RAP1A: variants seen among roughly 807,000 people sequenced by gnomAD.
The protein encoded by RAP1A is RAP1A, member of RAS oncogene family.
Under a neutral mutation model 26.4 loss-of-function variants are expected in RAP1A, and 6 were observed. The ratio of observed to expected loss-of-function variants is 0.23; its 90% confidence interval spans 0.12 to 0.45. The LOEUF (loss-of-function observed/expected upper bound fraction) is 0.45, where lower values mean the gene tolerates loss of function less well. RAP1A is among the 20% of genes least tolerant of loss of function. The pLI is 0.99. For synonymous variants in RAP1A, 73 were observed against 79.4 expected (o/e 0.92, Z 0.43); for missense variants, 121 against 217.2 (o/e 0.56, Z 2.78).
intron 1 of RAP1A, among the ~76,000 whole-genome samples, chr1:111,634,433 A>G (rs1201683996): frequency 1.3e-5 from 2 of 151,450 alleles, no homozygotes; most frequent in East Asian, 1.9e-4. Flanking sequence ...TTTAAAATAT[A>G]TATCTATTCA....
intron 1 of RAP1A, among the ~76,000 whole-genome samples, chr1:111,665,651 G>A (rs1660779027): frequency 6.6e-6 from 1 of 152,106 alleles, no homozygotes; most frequent in Admixed American, 6.5e-5. Context: ...ACATTTACTG[G>A]TGATGTGCTT....
chr1:111,630,375 C>T (rs1340263584), intron 1 of RAP1A, among the ~76,000 whole-genome samples: 1 of 152,110 alleles, frequency 6.6e-6, no homozygotes, highest in Non-Finnish European at 1.5e-5. Flanking sequence ...AGTCGTCCAA[C>T]ATGTATTTAT....
chr1:111,668,011 C>T lies in RAP1A; in HGVS notation c.-27-23323C>T, dbSNP rs1660852332. Among the ~76,000 whole-genome samples the T allele has an allele frequency of 2.0e-5, 3 of 152,224 alleles. No individual in the cohort carries two copies. In the South Asian group the frequency reaches 6.2e-4, roughly 31 times the overall value. ...GTCTGTGCACCCCTCCCCACCCCTA[C>T]TCCTGCCAACTCCGAGGAAACTGGA... On this transcript the variant is annotated intron_variant, in intron 1 of 7. Transcript: ENST00000369709.
At chr1:111,611,287 A>T (rs1436277692) in intron 1 of RAP1A, among the ~76,000 whole-genome samples, 1 of 152,220 alleles carries the variant, frequency 6.6e-6, no homozygotes, top group Non-Finnish European at 1.5e-5. Context: ...AATTGGGTTC[A>T]AGTATCAGGC....
chr1:111,645,002 A>G (rs1006557189), intron 1 of RAP1A, among the ~76,000 whole-genome samples: 3 of 152,188 alleles, frequency 2.0e-5, no homozygotes, highest in African/African-American at 7.2e-5. Flanking sequence ...AGAATATTAT[A>G]TCTCTCTCAG....
At chr1:111,585,238 G>T (rs911341419) in intron 1 of RAP1A, among the ~76,000 whole-genome samples, 1 of 152,104 alleles carries the variant, frequency 6.6e-6, no homozygotes, top group African/African-American at 2.4e-5. Context: ...TTTAGGTATT[G>T]AAAGAAAATC....
intron 1 of RAP1A, among the ~76,000 whole-genome samples, chr1:111,586,965 G>A (rs182242086): frequency 1.7e-3 from 259 of 152,160 alleles, no homozygotes; most frequent in African/African-American, 5.8e-3. Context: ...ATCAGACTGC[G>A]AAACTGAATG....
chr1:111,688,822 G>GTTTTTTTTTTTTTTTTTTTTGT (rs767753356), intron 1 of RAP1A, among the ~76,000 whole-genome samples: 5 of 90,048 alleles, frequency 5.6e-5, no homozygotes, highest in Admixed American at 1.2e-4. Flanking sequence ...TTTTTTTTTT[G>GTTTTTTTTTTTTTTTTTTTTGT]TTTTTTTTTT....
chr1:111,654,288 C>T (rs12733971), intron 1 of RAP1A, among the ~76,000 whole-genome samples: 6,084 of 152,230 alleles, frequency 0.04, 137 homozygotes, highest in South Asian at 0.078. Flanking sequence ...TTTGTTGTTA[C>T]TTCAAACAAA....
chr1:111,615,772 A>C (rs1205181642), upstream of RAP1A, among the ~76,000 whole-genome samples: 1 of 149,708 alleles, frequency 6.7e-6, no homozygotes, highest in Non-Finnish European at 1.5e-5. Context: ...TGGAGGTTGC[A>C]GTGAGCCAAG....
chr1:111,587,977 T>C (rs1049363446), intron 1 of RAP1A, among the ~76,000 whole-genome samples: 1 of 152,234 alleles, frequency 6.6e-6, no homozygotes, highest in Non-Finnish European at 1.5e-5. Context: ...TTATGAGTTC[T>C]CTTTGGTGGT....
chr1:111,559,560 G>A (rs780506878), intron 1 of RAP1A, among the ~76,000 whole-genome samples: 2 of 152,110 alleles, frequency 1.3e-5, no homozygotes, highest in African/African-American at 2.4e-5. Context: ...TATCTGGAAA[G>A]GAGATCATAA....
intron 1 of RAP1A, among the ~76,000 whole-genome samples, chr1:111,623,163 A>G (rs112492463): frequency 0.13 from 19,444 of 144,182 alleles, 1,578 homozygotes; most frequent in South Asian, 0.19. Context: ...GATAACAGGT[A>G]CCCACCACCA....
chr1:111,543,631 AG>A (rs1656927067), intron 1 of RAP1A, among the ~76,000 whole-genome samples: 1 of 148,328 alleles, frequency 6.7e-6, no homozygotes, highest in Admixed American at 6.7e-5. Context: ...GAGGAATAGG[AG>A]GAGGAAGAGA....
intron 1 of RAP1A, among the ~76,000 whole-genome samples, chr1:111,678,844 A>G (rs1661207075): frequency 6.6e-6 from 1 of 151,898 alleles, no homozygotes; most frequent in African/African-American, 2.4e-5. Context: ...TATATTCCTT[A>G]AGATTTCCTA....
At chr1:111,595,142 A>G (rs549482346) in intron 1 of RAP1A, among the ~76,000 whole-genome samples, 1 of 152,380 alleles carries the variant, frequency 6.6e-6, no homozygotes, top group African/African-American at 2.4e-5. Flanking sequence ...TGTTTTGGAC[A>G]TTAAATTTGT....
At chr1:111,657,879 G>A (rs1452357374) in intron 1 of RAP1A, among the ~76,000 whole-genome samples, 1 of 151,952 alleles carries the variant, frequency 6.6e-6, no homozygotes, top group Non-Finnish European at 1.5e-5. Flanking sequence ...TTTGAACTAT[G>A]GATTATTTAG....
chr1:111,645,866 C>T (rs766652663), intron 1 of RAP1A, among the ~76,000 whole-genome samples: 2 of 151,924 alleles, frequency 1.3e-5, no homozygotes, highest in Non-Finnish European at 1.5e-5. Context: ...CCCTTGGAGT[C>T]GTGGGTTAGG....
At position 111,704,383 on chromosome 1, in the gene RAP1A, A is replaced by T. The variant is rs2101292378; in HGVS notation, c.365A>T (p.Asp122Val). The change falls in exon 6 of 8, where the codon GAT becomes GTT. Residue 122 changes from aspartate (D) to valine (V), a missense_variant. Asp to Val is a radical substitution (Grantham distance 152). Coordinates refer to ENST00000369709, the MANE Select transcript of RAP1A (RefSeq NM_002884.4). ...ILVGNKCDLE[D>V]ERVVGKEQGQ... ...GTTGGCAATAAATGTGACCTGGAAG[A>T]TGAGCGAGTAGTTGGCAAAGAGCAG... 1 of 1,613,996 alleles carries T rather than the reference A, an allele frequency of 6.2e-7. No individual in the cohort carries two copies. Among genetic ancestry groups the T allele is most frequent in the South Asian group, 1.1e-5 (1 of 91,082 alleles).
Sources: gnomAD v4.1 joint callset for allele counts (sites outside exome capture counted in the v4.1 genomes callset) on GRCh38, gnomAD v4.1.1 for gene constraint, MANE v1.5 for transcripts, NCBI Gene and HGNC (gene_info 2026-07-23, HGNC 2026-07-21) for gene names.